STX18: variants seen among roughly 807,000 people sequenced by gnomAD.
STX18 encodes the protein syntaxin-18.
STX18 carries 40 observed loss-of-function variants against 50.1 expected under a neutral mutation model. That is an observed-to-expected ratio of 0.80 (90% CI 0.62 to 1.04). STX18 has a LOEUF of 1.04. STX18 is among the 50% of genes least tolerant of loss of function. The pLI, the probability that STX18 is intolerant of heterozygous loss-of-function variation, is 0.00. For missense variants in STX18, 410 were observed against 415.8 expected, an observed-to-expected ratio of 0.99 and a Z score of 0.12; for synonymous variants, 158 against 151.8, an observed-to-expected ratio of 1.04 and a Z score of -0.30.
chr4:4,501,881 A>T (rs1729477449), intron 1 of STX18, among the ~76,000 whole-genome samples: 1 of 152,246 alleles, frequency 6.6e-6, no homozygotes, highest in Admixed American at 6.5e-5. Flanking sequence ...GGAAATTCTG[A>T]TTCAAACTTG....
At chr4:4,495,059 T>C (rs1729108160) in intron 1 of STX18, among the ~76,000 whole-genome samples, 1 of 152,194 alleles carries the variant, frequency 6.6e-6, no homozygotes, top group South Asian at 2.1e-4. Context: ...AGGTTGAGCA[T>C]GGACTTTGGA....
At chr4:4,483,071 C>A (rs1160924985) in intron 1 of STX18, among the ~76,000 whole-genome samples, 1 of 152,156 alleles carries the variant, frequency 6.6e-6, no homozygotes, top group African/African-American at 2.4e-5. Flanking sequence ...AACCTTCTTA[C>A]TGCAGAGAGT....
chr4:4,439,182 C>T (rs144845549), intron 5 of STX18, among the ~76,000 whole-genome samples: 1 of 116,618 alleles, frequency 8.6e-6, no homozygotes, highest in Non-Finnish European at 1.7e-5. Flanking sequence ...CCCCTACATA[C>T]ACACATACCC....
chr4:4,513,646 A>C (rs924915001), intron 1 of STX18, among the ~76,000 whole-genome samples: 3 of 152,200 alleles, frequency 2.0e-5, no homozygotes, highest in Admixed American at 1.3e-4. Flanking sequence ...AATCTCTAAA[A>C]TCAGGTTAGT....
At chr4:4,520,115 C>T (rs745340248) in intron 1 of STX18, among the ~76,000 whole-genome samples, 30 of 152,036 alleles carry the variant, frequency 2.0e-4, no homozygotes, top group Non-Finnish European at 3.4e-4. Flanking sequence ...AACATGAAGC[C>T]CAGAAACAAG....
At chr4:4,530,250 G>A (rs891192069) in intron 1 of STX18, among the ~76,000 whole-genome samples, 6 of 151,996 alleles carry the variant, frequency 3.9e-5, no homozygotes, top group Admixed American at 1.3e-4. Context: ...AAAAAGCCAT[G>A]GTTAACATTT....
chr4:4,501,530 C>A (rs147735249), intron 1 of STX18, among the ~76,000 whole-genome samples: 159 of 152,334 alleles, frequency 1.0e-3, no homozygotes, highest in African/African-American at 3.5e-3. Flanking sequence ...GTTTCCTCAT[C>A]TGGAAAATGA....
In STX18 at chr4:4,420,878, C is replaced by T; in HGVS notation, c.898G>A (p.Glu300Lys). 3 of 1,614,132 alleles carry T rather than the reference C, an allele frequency of 1.9e-6. No homozygotes were observed. Among genetic ancestry groups the T allele is most frequent in the East Asian group, 2.2e-5 (1 of 44,886 alleles). ...ACAGTGCCTACCTCTCTTATGTCTTCGTTGCCTTCCTTGATATTTTCAGTT... is the reference window on the plus strand; with the variant it reads ...ACAGTGCCTACCTCTCTTATGTCTTTGTTGCCTTCCTTGATATTTTCAGTT... ...GATENIKEGNEDIREAIKNNA... is the reference protein window; with the variant it reads ...GATENIKEGNKDIREAIKNNA... The change falls in exon 10 of 11, where the codon GAA becomes AAA. Residue 300 changes from glutamate to lysine, a missense_variant. Glu to Lys is a moderately conservative substitution (Grantham distance 56). Transcript: ENST00000306200. The surrounding 1 kb of genome is among the most constrained non-coding windows in gnomAD (Gnocchi z 4.3).
chr4:4,454,171 G>A (rs1241421095), intron 5 of STX18, among the ~76,000 whole-genome samples: 2 of 152,190 alleles, frequency 1.3e-5, no homozygotes, highest in East Asian at 1.9e-4. Context: ...TCACATGTAC[G>A]TTTTAGGCAG....
intron 7 of STX18, among the ~76,000 whole-genome samples, chr4:4,427,176 C>T (rs559128036): frequency 2.6e-5 from 4 of 152,256 alleles, no homozygotes; most frequent in Admixed American, 6.5e-5. Context: ...TTCTCGGCCC[C>T]GGCTACTCAA....
chr4:4,459,307 A>T, intron 3 of STX18, 65 bp downstream of exon 3: 1 of 1,138,440 alleles, frequency 8.8e-7, no homozygotes. Context: ...GCCGCACCAT[A>T]TGCATCTTGT....
At chr4:4,482,438 G>A (rs897602130) in intron 1 of STX18, among the ~76,000 whole-genome samples, 1 of 152,072 alleles carries the variant, frequency 6.6e-6, no homozygotes, top group African/African-American at 2.4e-5. Context: ...CTGTTCTGAC[G>A]GCCCCAAAGA....
intron 1 of STX18, among the ~76,000 whole-genome samples, chr4:4,490,065 C>T (rs1728875448): frequency 6.6e-6 from 1 of 152,162 alleles, no homozygotes; most frequent in Admixed American, 6.5e-5. Context: ...ATGAATTTCA[C>T]TCAAAATCAC....
chr4:4,524,562 G>A (rs1730664048), intron 1 of STX18, among the ~76,000 whole-genome samples: 1 of 152,224 alleles, frequency 6.6e-6, no homozygotes, highest in South Asian at 2.1e-4. Flanking sequence ...ATGAGAAAGT[G>A]AGGCCTGCAA....
At chr4:4,510,395 C>T (rs1729941033) in intron 1 of STX18, among the ~76,000 whole-genome samples, 1 of 152,132 alleles carries the variant, frequency 6.6e-6, no homozygotes, top group South Asian at 2.1e-4. Context: ...ACTGCAGGTA[C>T]CTGCTACATG....
intron 2 of STX18, among the ~76,000 whole-genome samples, chr4:4,469,225 C>T (rs1727786592): frequency 6.6e-6 from 1 of 152,302 alleles, no homozygotes; most frequent in East Asian, 1.9e-4. Context: ...CAAGTCTAGC[C>T]TGCAGGCATG....
intron 1 of STX18, among the ~76,000 whole-genome samples, chr4:4,537,092 G>C (rs879185073): frequency 1.3e-5 from 2 of 152,118 alleles, no homozygotes; most frequent in South Asian, 2.1e-4. Context: ...CGGTGCTTAC[G>C]GGTTTCTTGC....
At chr4:4,523,316 C>T (rs1288213786) in intron 1 of STX18, among the ~76,000 whole-genome samples, 4 of 152,076 alleles carry the variant, frequency 2.6e-5, no homozygotes, top group Non-Finnish European at 4.4e-5. Flanking sequence ...TACTCTGAGG[C>T]CCTCTTTTCT....
At chr4:4,502,908 C>A (rs1004566005) in intron 1 of STX18, among the ~76,000 whole-genome samples, 1 of 152,168 alleles carries the variant, frequency 6.6e-6, no homozygotes, top group Non-Finnish European at 1.5e-5. Context: ...TCTCACCAAA[C>A]CCAACCCCAC....
Sources: gnomAD v4.1 joint callset for allele counts (sites outside exome capture counted in the v4.1 genomes callset) on GRCh38, gnomAD v4.1.1 for gene constraint, Gnocchi (gnomAD v3.1) non-coding constraint, MANE v1.5 for transcripts, NCBI Gene and HGNC (gene_info 2026-07-23, HGNC 2026-07-21) for gene names.